UNC13C: variants seen among roughly 807,000 people sequenced by gnomAD.
UNC13C encodes the protein protein unc-13 homolog C.
In UNC13C, 174 loss-of-function variants were observed where a neutral mutation model predicts 245.4. The ratio of observed to expected loss-of-function variants is 0.71; its 90% CI spans 0.63 to 0.80. UNC13C has a LOEUF of 0.80. Ranked by LOEUF, UNC13C falls within the 30% of genes least tolerant of loss-of-function variation. The probability of loss-of-function intolerance (pLI) is 0.00; values close to 1 mark genes in which losing one functional copy is unlikely to be tolerated. For missense variants in UNC13C, 2,829 were observed against 2,602.9 expected, an observed-to-expected ratio of 1.09 and a Z score of -1.89; for synonymous variants, 992 against 895.1, an observed-to-expected ratio of 1.11 and a Z score of -1.93.
chr15:54,105,811 G>A (rs1427254987), intron 2 of UNC13C, among the ~76,000 whole-genome samples: 1 of 152,144 alleles, frequency 6.6e-6, no homozygotes, highest in African/African-American at 2.4e-5. Context: ...TGGCTGAATA[G>A]GACAGTAAAC....
At chr15:54,613,614 A>G (rs1254599788) in intron 30 of UNC13C, among the ~76,000 whole-genome samples, 8 of 151,998 alleles carry the variant, frequency 5.3e-5, no homozygotes, top group African/African-American at 1.7e-4. Context: ...GATAATGGAG[A>G]AAGAGACCAG....
At chr15:54,546,249 C>T (rs1360565115) in intron 26 of UNC13C, among the ~76,000 whole-genome samples, 1 of 152,134 alleles carries the variant, frequency 6.6e-6, no homozygotes, top group Admixed American at 6.6e-5. Context: ...TGTTCTCACT[C>T]ATAAGTGGGA....
At chr15:54,448,165 A>T (rs1322444880) in intron 19 of UNC13C, among the ~76,000 whole-genome samples, 7 of 152,234 alleles carry the variant, frequency 4.6e-5, no homozygotes, top group African/African-American at 1.2e-4. Flanking sequence ...CTGTTCTTTT[A>T]TGTTTGCTGA....
the UNC13C span, among the ~76,000 whole-genome samples, chr15:53,866,229 C>A: frequency 6.6e-6 from 1 of 152,072 alleles, no homozygotes; most frequent in African/African-American, 2.4e-5. Context: ...AAACATTAAA[C>A]CTTTCAAGTT....
At chr15:54,417,188 G>A (rs1711803205) in intron 19 of UNC13C, 1 of 324,136 alleles carries the variant, frequency 3.1e-6, no homozygotes. Context: ...CTATAATGAT[G>A]TTTAGAAAAT....
the UNC13C span, among the ~76,000 whole-genome samples, chr15:53,862,724 A>C: frequency 6.6e-6 from 1 of 152,172 alleles, no homozygotes; most frequent in Non-Finnish European, 1.5e-5. Context: ...TTGGGGAGAC[A>C]GAGCGAAAGC....
intron 24 of UNC13C, among the ~76,000 whole-genome samples, chr15:54,518,972 G>A (rs1895098613): frequency 6.6e-6 from 1 of 151,936 alleles, no homozygotes; most frequent in African/African-American, 2.4e-5. Flanking sequence ...TATAAAACGG[G>A]GATTCCTGTT....
chr15:54,027,810 C>G (rs998390670), intron 2 of UNC13C, among the ~76,000 whole-genome samples: 2 of 144,142 alleles, frequency 1.4e-5, no homozygotes, highest in African/African-American at 5.1e-5. Context: ...TCTGGCTTTT[C>G]AGCATCTGAA....
At chr15:54,425,504 C>G (rs2040741850) in intron 19 of UNC13C, among the ~76,000 whole-genome samples, 1 of 151,846 alleles carries the variant, frequency 6.6e-6, no homozygotes, top group African/African-American at 2.4e-5. Context: ...ATCTTACTAA[C>G]AGACCCAAAG....
At chr15:54,562,057 A>G (rs536120947) in intron 29 of UNC13C, among the ~76,000 whole-genome samples, 1 of 152,114 alleles carries the variant, frequency 6.6e-6, no homozygotes, top group South Asian at 2.1e-4. Context: ...TCCTAGTGCC[A>G]TGTTGGAGTT....
chr15:54,468,246 A>G (rs1348798220), intron 19 of UNC13C, among the ~76,000 whole-genome samples: 3 of 151,698 alleles, frequency 2.0e-5, no homozygotes, highest in East Asian at 1.9e-4. Context: ...CCATTTCTAT[A>G]TATTCTTGTG....
intron 1 of UNC13C, among the ~76,000 whole-genome samples, chr15:54,004,372 T>C (rs1451191897): frequency 5.9e-5 from 9 of 152,244 alleles, no homozygotes; most frequent in Admixed American, 5.9e-4. Flanking sequence ...TAGTACTTTA[T>C]TATGTATATG....
chr15:53,866,816 A>T, the UNC13C span, among the ~76,000 whole-genome samples: 14 of 152,252 alleles, frequency 9.2e-5, no homozygotes, highest in Admixed American at 3.9e-4. Context: ...GCACTAAAAA[A>T]TAAATTTACA....
At chr15:54,122,528 T>C (rs1374878504) in intron 2 of UNC13C, among the ~76,000 whole-genome samples, 1 of 152,070 alleles carries the variant, frequency 6.6e-6, no homozygotes. Context: ...ATGTGTGCAG[T>C]TTGATACATT....
At chr15:54,476,753 G>C (rs1416890061) in intron 19 of UNC13C, among the ~76,000 whole-genome samples, 1 of 147,430 alleles carries the variant, frequency 6.8e-6, no homozygotes, top group Non-Finnish European at 1.5e-5. Context: ...GATGCCTCCA[G>C]CTTTGTTCTT....
At position 54,057,195 on chromosome 15, in the gene UNC13C, TG is replaced by T. The variant is rs1442927917; in HGVS notation, c.2983+41310del. Among the ~76,000 whole-genome samples, 3 of 152,018 alleles carry T rather than the reference TG, an allele frequency of 2.0e-5. No individual in the cohort carries two copies. The East Asian group carries it at 5.8e-4, about 29-fold the overall frequency. ...TGATTAAAGAGTCAAGACCCATCGA[TG>T]TGCTGTATTCAGGAAACCCATCTCA... On this transcript the variant is annotated intron_variant, in intron 2 of 32. Coordinates refer to ENST00000260323, the MANE Select transcript of UNC13C (RefSeq NM_001080534.3).
chr15:54,103,168 T>A (rs1466923488), intron 2 of UNC13C, among the ~76,000 whole-genome samples: 1 of 152,196 alleles, frequency 6.6e-6, no homozygotes, highest in East Asian at 1.9e-4. Context: ...TCATTATAAC[T>A]GTGATACACA....
chr15:54,280,917 G>A lies in UNC13C; in HGVS notation c.3819-12978G>A, dbSNP rs552753191. ...GGCTCAAGCGATTTTCCTGCCTCAGGCTCCTGAGTAACTGAGATTACAGGC... is the reference window on the plus strand; with the variant it reads ...GGCTCAAGCGATTTTCCTGCCTCAGACTCCTGAGTAACTGAGATTACAGGC... On this transcript the variant is annotated intron_variant, in intron 10 of 32. Transcript: ENST00000260323. Among the ~76,000 whole-genome samples the A allele has an allele frequency of 4.6e-5, 7 of 151,758 alleles. No individual in the cohort carries two copies. The South Asian group carries it at 1.5e-3, about 32-fold the overall frequency.
rs537139494 is a variant in UNC13C, at chr15:54,627,977, T to C, written c.*864T>C. ...TGACAGTTATGACTCTATAATCAGTTCAATGCTTTATTTTTAAAAATATTC... is the reference window on the plus strand; with the variant it reads ...TGACAGTTATGACTCTATAATCAGTCCAATGCTTTATTTTTAAAAATATTC... On this transcript the variant is annotated 3_prime_UTR_variant, in exon 33 of 33. Coordinates refer to ENST00000260323, the MANE Select transcript of UNC13C (RefSeq NM_001080534.3). The C allele has an allele frequency of 6.6e-6, 1 of 152,652 alleles. No individual in the cohort carries two copies. The highest frequency in any genetic ancestry group is 1.9e-4 in the East Asian group (1 of 5,186). 9.5% of individuals were successfully genotyped at this position (152,652 alleles called of 1,614,324 possible).
Sources: gnomAD v4.1 joint callset for allele counts (sites outside exome capture counted in the v4.1 genomes callset) on GRCh38, gnomAD v4.1.1 for gene constraint, MANE v1.5 for transcripts, NCBI Gene and HGNC (gene_info 2026-07-23, HGNC 2026-07-21) for gene names.